TNS1: variants seen among roughly 807,000 people sequenced by gnomAD.
TNS1 encodes tensin-1.
In TNS1, 62 loss-of-function variants were observed where a neutral mutation model predicts 168.6. The observed-to-expected ratio is 0.37, with a 90% CI of 0.30 to 0.45. The LOEUF (loss-of-function observed/expected upper bound fraction) is 0.45. TNS1 is among the 20% of genes least tolerant of loss of function. TNS1 has a pLI of 1.00. For missense variants in TNS1, 2,240 were observed against 2,339.4 expected, an observed-to-expected ratio of 0.96 and a Z score of 0.88; for synonymous variants, 934 against 933.2, an observed-to-expected ratio of 1.00 and a Z score of -0.02.
intron 1 of TNS1, among the ~76,000 whole-genome samples, chr2:218,025,400 C>A (rs1279330526): frequency 1.3e-5 from 2 of 152,124 alleles, no homozygotes; most frequent in Non-Finnish European, 2.9e-5. Context: ...AGGCGTGCAC[C>A]ACCATGCCCA....
intron 3 of TNS1, among the ~76,000 whole-genome samples, chr2:217,962,026 T>C (rs1472490570): frequency 6.6e-6 from 1 of 152,240 alleles, no homozygotes; most frequent in Non-Finnish European, 1.5e-5. Flanking sequence ...CCTGAGTCTC[T>C]GGCCTACACA....
rs1406801522 is a variant in TNS1, at chr2:217,889,863, T to G, written c.866+1099A>C. Among the ~76,000 whole-genome samples, 4 of 152,194 alleles carry G rather than the reference T, an allele frequency of 2.6e-5. No individual in the cohort carries two copies. The East Asian group carries it at 7.7e-4, about 29-fold the overall frequency. On this transcript the variant is annotated intron_variant, in intron 12 of 32. Coordinates refer to ENST00000682258, the MANE Select transcript of TNS1 (RefSeq NM_001387777.1). ...GCGTCCCACCATCCAGGTCTCCAGTTTGGGCTTGGGTTTCCCACCATCCTG... is the reference window on the plus strand; with the variant it reads ...GCGTCCCACCATCCAGGTCTCCAGTGTGGGCTTGGGTTTCCCACCATCCTG...
chr2:217,847,972 C>T lies in TNS1; in HGVS notation c.2545G>A (p.Ala849Thr), dbSNP rs765735014. 3.0e-5 allele frequency: 45 copies of T among 1,508,686 alleles called. No homozygotes were observed. In the Admixed American group the frequency reaches 7.9e-4, roughly 26 times the overall value. 93.5% of individuals were successfully genotyped at this position (1,508,686 alleles called of 1,614,324 possible). A position where few individuals can be genotyped will look rare whatever the true frequency, so the allele number is the denominator to read the frequency against. Residue 849 changes from alanine to threonine, a missense_variant, in exon 19 of 33, where the codon GCT becomes ACT. This residue lies in a region of TNS1 where 2,131 missense variants were observed against 2,171.2 expected (regional missense o/e 0.98). Transcript: ENST00000682258. ...MLMLDLEPAS[A>T]AAPLHKSQSV... The stretch of plus-strand genomic sequence containing the variant: ...TGGGACTTGTGTAGTGGGGCAGCAG[C>T]GGAGGCTGGCTCCAGGTCCAGCATC...
At chr2:217,980,742 A>G (rs899950184) in intron 2 of TNS1, among the ~76,000 whole-genome samples, 4 of 152,088 alleles carry the variant, frequency 2.6e-5, no homozygotes, top group Non-Finnish European at 5.9e-5. Context: ...CAGTCTAGAC[A>G]TGAGGGACAC....
At chr2:217,833,252 G>A (rs1414338860) in intron 21 of TNS1, among the ~76,000 whole-genome samples, 5 of 152,190 alleles carry the variant, frequency 3.3e-5, no homozygotes, top group Non-Finnish European at 7.3e-5. Context: ...GCTCTCTCTT[G>A]GTTCCTCCCT....
chr2:217,850,810 T>G (rs930299898), intron 18 of TNS1, among the ~76,000 whole-genome samples: 13 of 151,378 alleles, frequency 8.6e-5, no homozygotes, highest in African/African-American at 3.2e-4. Context: ...TGCCACACAA[T>G]GCCAAGAACC....
At chr2:217,987,755 G>A (rs1213891070) in intron 2 of TNS1, among the ~76,000 whole-genome samples, 1 of 152,194 alleles carries the variant, frequency 6.6e-6, no homozygotes, top group African/African-American at 2.4e-5. Context: ...TTGAAGGCTG[G>A]GAGCAGAGTA....
chr2:217,887,798 G>A (rs1454570439), intron 12 of TNS1, among the ~76,000 whole-genome samples: 1 of 152,232 alleles, frequency 6.6e-6, no homozygotes, highest in Non-Finnish European at 1.5e-5. Flanking sequence ...CAACGCATCT[G>A]CCCAATAAAC....
chr2:218,032,301 G>A lies in TNS1; in HGVS notation c.156+1519C>T, dbSNP rs573801070. Among the ~76,000 whole-genome samples the A allele has an allele frequency of 6.6e-5, 10 of 152,306 alleles. No homozygotes were observed. The highest frequency in any genetic ancestry group is 2.1e-4 in the South Asian group (1 of 4,834). On this transcript the variant is annotated intron_variant, in intron 1 of 1. Transcript: ENST00000649572. This position sits in a 1 kb window ranked among gnomAD's most constrained non-coding sequence, Gnocchi z 4.0. ...GGGAGAAAGAGGAGTGGGCAATGGG[G>A]CCTGGGGGACAAGGCAGTCCAGGAG...
chr2:217,905,271 C>G (rs200317720), intron 6 of TNS1: 121 of 344,886 alleles, frequency 3.5e-4, no homozygotes, highest in Non-Finnish European at 4.6e-4. Context: ...ATGAGTACCC[C>G]ACGCCCAGGG....
chr2:217,954,453 C>T (rs149643740), intron 3 of TNS1, among the ~76,000 whole-genome samples: 1 of 152,284 alleles, frequency 6.6e-6, no homozygotes, highest in East Asian at 1.9e-4. Context: ...TCTGAGGGTG[C>T]TCCGGGTACT....
intron 1 of TNS1, among the ~76,000 whole-genome samples, chr2:218,009,898 G>T (rs913317662): frequency 3.0e-4 from 46 of 152,284 alleles, no homozygotes; most frequent in African/African-American, 1.0e-3. Flanking sequence ...CCCCTTCCCG[G>T]ATCCCAGCAA....
At chr2:217,875,777 T>TG (rs34965520) in intron 18 of TNS1, among the ~76,000 whole-genome samples, 1 of 152,128 alleles carries the variant, frequency 6.6e-6, no homozygotes, top group African/African-American at 2.4e-5. Flanking sequence ...CAAAAGCACT[T>TG]GGGGAGTGGA....
upstream of TNS1, among the ~76,000 whole-genome samples, chr2:218,011,859 A>AT (rs549596244): frequency 1.2e-4 from 18 of 152,242 alleles, no homozygotes; most frequent in South Asian, 3.1e-3. Flanking sequence ...AAAGAGAGAC[A>AT]TTAGGGGCCC....
In TNS1 at chr2:217,906,397, G is replaced by A. The variant is rs1292970955; in HGVS notation, c.271-12C>T. On this transcript the variant is annotated splice_polypyrimidine_tract_variant and intron_variant, in intron 5 of 32. Coordinates refer to ENST00000682258, the MANE Select transcript of TNS1 (RefSeq NM_001387777.1). ...GAGGCTCCTTCTCCCTGCAGACAGA[G>A]AAAAGGCAGTCAGAGAGGGGAGGCA... 1 of 702,682 alleles carries A rather than the reference G, an allele frequency of 1.4e-6. No individual in the cohort carries two copies. The highest frequency in any genetic ancestry group is 2.7e-5 in the East Asian group (1 of 37,268). 43.5% of individuals were successfully genotyped at this position (702,682 alleles called of 1,614,324 possible).
At chr2:217,972,046 G>A (rs1282244578) in intron 3 of TNS1, among the ~76,000 whole-genome samples, 1 of 152,206 alleles carries the variant, frequency 6.6e-6, no homozygotes, top group East Asian at 1.9e-4. Flanking sequence ...GAGAAGGCCA[G>A]AAGAATACAA....
rs371275235 is a variant in TNS1 at position 217,827,995 on chromosome 2, C to G, written c.3373+3460G>C. On this transcript the variant is annotated intron_variant, in intron 22 of 32. Coordinates refer to ENST00000682258, the MANE Select transcript of TNS1 (RefSeq NM_001387777.1). ...CTGGTCTGTTAAAGTCAACCAGCTG[C>G]GAGGAGAGCTGAGAGCCTATTGCGT... Among the ~76,000 whole-genome samples, 8 of 152,332 alleles carry G rather than the reference C, an allele frequency of 5.3e-5. No individual in the cohort carries two copies. The East Asian group carries it at 1.3e-3, about 26-fold the overall frequency.
intron 2 of TNS1, 77 bp downstream of exon 2, chr2:217,990,865 C>A (rs372464252): frequency 2.1e-6 from 1 of 484,170 alleles, no homozygotes; most frequent in Non-Finnish European, 3.8e-6. Flanking sequence ...ACAGCAGAGT[C>A]CCAGCCTGGC....
chr2:217,817,333 G>A (rs1347772976), intron 24 of TNS1, among the ~76,000 whole-genome samples: 1 of 152,162 alleles, frequency 6.6e-6, no homozygotes, highest in Non-Finnish European at 1.5e-5. Flanking sequence ...TTTACTAAGT[G>A]GCCAAGAAGC....
Sources: gnomAD v4.1 joint callset for allele counts (sites outside exome capture counted in the v4.1 genomes callset) on GRCh38, gnomAD v4.1.1 for gene constraint, gnomAD v4.1.1 regional missense constraint, Gnocchi (gnomAD v3.1) non-coding constraint, MANE v1.5 for transcripts, NCBI Gene and HGNC (gene_info 2026-07-23, HGNC 2026-07-21) for gene names.